The following CCDC15 variants were observed in gnomAD, a reference collection of about 807,000 sequenced individuals.
The protein encoded by CCDC15 is coiled-coil domain-containing protein 15.
Under a neutral mutation model 114.5 loss-of-function variants are expected in CCDC15, and 105 were observed. The ratio of observed to expected loss-of-function variants is 0.92; its 90% CI spans 0.78 to 1.08. The LOEUF (loss-of-function observed/expected upper bound fraction) is 1.08. CCDC15 is among the 50% of genes least tolerant of loss of function. The pLI, the probability that CCDC15 is intolerant of heterozygous loss-of-function variation, is 0.00. For synonymous variants in CCDC15, 334 were observed against 377.8 expected (o/e 0.88, Z 1.34); for missense variants, 1,105 against 1,093.6 (o/e 1.01, Z -0.15).
intron 6 of CCDC15, 42 bp from the exon 7 acceptor site, chr11:124,986,700 T>TGTGTGTGTGTGTGTGTGTGTGTGTGC: frequency 7.4e-7 from 1 of 1,351,590 alleles, no homozygotes; most frequent in Non-Finnish European, 9.9e-7. Context: ...TTTGTGTGTG[T>TGTGTGTGTGTGTGTGTGTGTGTGTGC]GCGCGCGCGC....
chr11:125,018,169 G>C lies in CCDC15; in HGVS notation c.2411+12957G>C, dbSNP rs1461677485. Among the ~76,000 whole-genome samples the C allele has an allele frequency of 2.6e-5, 4 of 152,066 alleles. No homozygotes were observed. In the South Asian group the frequency reaches 6.2e-4, roughly 24 times the overall value. ...CCCAAAGCATCTTCCAGTCCTGCATGCTCCATTCATGGTAAGTGCCTTATT... is the reference window on the plus strand; with the variant it reads ...CCCAAAGCATCTTCCAGTCCTGCATCCTCCATTCATGGTAAGTGCCTTATT... On this transcript the variant is annotated intron_variant, in intron 13 of 15. Transcript: ENST00000344762.
chr11:125,017,230 C>G (rs1323241629), intron 13 of CCDC15, among the ~76,000 whole-genome samples: 1 of 152,048 alleles, frequency 6.6e-6, no homozygotes, highest in Non-Finnish European at 1.5e-5. Context: ...TATTGAGCAT[C>G]TGTTAATTGG....
At chr11:124,993,335 T>G in intron 11 of CCDC15, 92 bp downstream of exon 11, 1 of 803,496 alleles carries the variant, frequency 1.2e-6, no homozygotes, top group Non-Finnish European at 2.0e-6. Context: ...TTGCTTTTTT[T>G]TTGGCTGAAG....
In CCDC15 at chr11:124,993,236, T is replaced by C. The variant is rs770097594; in HGVS notation, c.2207T>C (p.Val736Ala). The stretch of plus-strand genomic sequence containing the variant: ...ATTGCAAGAGGAAATACTCCTGGAG[T>C]GCCCTTGGTATGTTTCACACAATAT... ...WEIARGNTPG[V>A]PLAYDRYQSG... Residue 736 changes from valine (V) to alanine (A), a missense_variant, in exon 11 of 16, where the codon GTG becomes GCG. Transcript: ENST00000344762. 2 of 1,595,380 alleles carry C rather than the reference T, an allele frequency of 1.3e-6. No homozygotes were observed. Among genetic ancestry groups the C allele is most frequent in the East Asian group, 4.5e-5 (2 of 44,746 alleles).
intron 14 of CCDC15, 103 bp downstream of exon 14, chr11:125,038,707 C>A: frequency 1.6e-6 from 2 of 1,250,742 alleles, no homozygotes; most frequent in Non-Finnish European, 2.2e-6. Context: ...TCTTTTCATA[C>A]TTTTCCTCAT....
intron 13 of CCDC15, among the ~76,000 whole-genome samples, chr11:125,028,168 T>C (rs1948717505): frequency 1.3e-5 from 2 of 152,340 alleles, no homozygotes; most frequent in South Asian, 4.1e-4. Context: ...TATAGCTTTG[T>C]AGTATAGTTT....
chr11:125,004,446 G>C (rs1265776268), intron 12 of CCDC15, among the ~76,000 whole-genome samples: 1 of 152,002 alleles, frequency 6.6e-6, no homozygotes, highest in African/African-American at 2.4e-5. Flanking sequence ...TGGTGATTCT[G>C]ATGCATCCTC....
At chr11:124,971,091 T>C (rs1407949811) in intron 4 of CCDC15, among the ~76,000 whole-genome samples, 1 of 152,176 alleles carries the variant, frequency 6.6e-6, no homozygotes, top group Non-Finnish European at 1.5e-5. Context: ...ATAGGGCTTG[T>C]AGGCCTGGCA....
At chr11:124,959,645 A>G (rs923911707) in intron 3 of CCDC15, among the ~76,000 whole-genome samples, 170 bp from the exon 4 acceptor site, 1 of 151,486 alleles carries the variant, frequency 6.6e-6, no homozygotes, top group African/African-American at 2.4e-5. Context: ...GAGATAACCT[A>G]AATTATTAGC....
At chr11:125,002,144 C>T (rs930160782) in intron 11 of CCDC15, among the ~76,000 whole-genome samples, 1 of 152,070 alleles carries the variant, frequency 6.6e-6, no homozygotes. Context: ...TTTGTATTTT[C>T]CTGATAGCTA....
Position 124,959,842 on chromosome 11 carries a change from C to T in CCDC15, c.355C>T (p.Gln119Ter). The change falls in exon 4 of 16, where the codon CAG (glutamine) becomes TAG (stop). Residue 119 changes from glutamine (Q) to a stop codon, truncating the protein, a stop_gained. Transcript: ENST00000344762. LOFTEE classifies it high-confidence loss of function. ...RAQKEGSIAM[Q>*]SSATHLTSKR... ...ACAAAAAGAAGGCTCCATAGCCATG[C>T]AGTCTTCAGCAACACACTTAACTTC... The T allele has an allele frequency of 6.2e-7, 1 of 1,601,748 alleles. No homozygotes were observed. Among genetic ancestry groups the T allele is most frequent in the South Asian group, 1.1e-5 (1 of 88,778 alleles).
At chr11:125,009,717 A>G (rs1245875099) in intron 13 of CCDC15, among the ~76,000 whole-genome samples, 2 of 152,126 alleles carry the variant, frequency 1.3e-5, no homozygotes, top group Non-Finnish European at 2.9e-5. Flanking sequence ...ACGTGTACCT[A>G]AAGTTTAGCT....
intron 4 of CCDC15, among the ~76,000 whole-genome samples, chr11:124,967,765 T>C (rs1228651780): frequency 1.3e-5 from 2 of 152,234 alleles, no homozygotes; most frequent in African/African-American, 4.8e-5. Context: ...CCCATCTTTG[T>C]GGTTTTATTT....
intron 13 of CCDC15, among the ~76,000 whole-genome samples, chr11:125,022,402 A>T (rs982008275): frequency 8.6e-5 from 13 of 151,892 alleles, no homozygotes; most frequent in African/African-American, 2.9e-4. Flanking sequence ...TATGTCCTGT[A>T]CTCAATTTAG....
chr11:124,972,989 A>G (rs968715039), intron 4 of CCDC15, among the ~76,000 whole-genome samples: 15 of 152,146 alleles, frequency 9.9e-5, no homozygotes, highest in African/African-American at 3.6e-4. Context: ...AGTAATATTT[A>G]CAGGTTCTAG....
chr11:125,009,531 G>T (rs933771242), intron 13 of CCDC15, among the ~76,000 whole-genome samples: 1 of 152,016 alleles, frequency 6.6e-6, no homozygotes, highest in East Asian at 1.9e-4. Context: ...AGATTCAGGG[G>T]GTACAGGTGC....
chr11:124,979,741 AC>A (rs749687860), intron 6 of CCDC15, among the ~76,000 whole-genome samples: 106 of 152,156 alleles, frequency 7.0e-4, no homozygotes, highest in Non-Finnish European at 1.1e-3. Flanking sequence ...CTCTCTTCCT[AC>A]TTGGATGTCA....
At chr11:125,012,927 TAAGC>T (rs1289230105) in intron 13 of CCDC15, among the ~76,000 whole-genome samples, 11 of 152,200 alleles carry the variant, frequency 7.2e-5, no homozygotes, top group African/African-American at 2.7e-4. Flanking sequence ...TTTGTAAACT[TAAGC>T]AAGTAACTTC....
chr11:124,991,752 C>T (rs892637419), intron 9 of CCDC15, among the ~76,000 whole-genome samples, 169 bp downstream of exon 9: 3 of 152,172 alleles, frequency 2.0e-5, no homozygotes, highest in East Asian at 1.9e-4. Flanking sequence ...GGCACAATCT[C>T]GACTCATTGC....
Sources: gnomAD v4.1 joint callset for allele counts (sites outside exome capture counted in the v4.1 genomes callset) on GRCh38, gnomAD v4.1.1 for gene constraint, MANE v1.5 for transcripts, NCBI Gene and HGNC (gene_info 2026-07-23, HGNC 2026-07-21) for gene names.